MYO18B: variants seen among roughly 807,000 people sequenced by gnomAD.
The protein encoded by MYO18B is myosin XVIIIB, also known as unconventional myosin-XVIIIb.
MYO18B carries 204 observed loss-of-function variants against 273.0 expected under a neutral mutation model. The ratio of observed to expected loss-of-function variants is 0.75; its 90% CI spans 0.67 to 0.84. The LOEUF is 0.84. Ranked by LOEUF, MYO18B falls within the 40% of genes least tolerant of loss-of-function variation. The probability of loss-of-function intolerance (pLI) is 0.00; values close to 1 mark genes in which losing one functional copy is unlikely to be tolerated. For synonymous variants in MYO18B, 1,330 were observed against 1,305.7 expected, an observed-to-expected ratio of 1.02 and a Z score of -0.40; for missense variants, 3,212 against 3,287.6, an observed-to-expected ratio of 0.98 and a Z score of 0.56.
rs147064352 is a variant in MYO18B, at chr22:25,849,035, G to A, written c.3775+1383G>A. Among the ~76,000 whole-genome samples the A allele has an allele frequency of 3.8e-3, 572 of 152,352 alleles. 2 individuals are homozygous for A. The highest frequency in any genetic ancestry group is 0.012 in the African/African-American group (514 of 41,574). On this transcript the variant is annotated intron_variant, in intron 20 of 43. Transcript: ENST00000335473. ...GATTTTCCCTCCCACCCGCACAGCCGCAGAGGAGGGAGACAGATAATGTCA... is the reference window on the plus strand; with the variant it reads ...GATTTTCCCTCCCACCCGCACAGCCACAGAGGAGGGAGACAGATAATGTCA...
At chr22:26,008,673 G>A (rs1444418828) in intron 42 of MYO18B, among the ~76,000 whole-genome samples, 3 of 152,216 alleles carry the variant, frequency 2.0e-5, no homozygotes, top group Non-Finnish European at 2.9e-5. Context: ...GCCACAGAGA[G>A]GGAGTTTATG....
chr22:25,784,848 G>GT (rs1187325554), intron 10 of MYO18B, among the ~76,000 whole-genome samples: 1 of 152,232 alleles, frequency 6.6e-6, no homozygotes, highest in Non-Finnish European at 1.5e-5. Context: ...TAAACATTGT[G>GT]TTGCTTCATA....
chr22:26,019,998 A>G (rs1192007740), intron 42 of MYO18B, among the ~76,000 whole-genome samples: 2 of 152,196 alleles, frequency 1.3e-5, no homozygotes, highest in Admixed American at 6.5e-5. Flanking sequence ...GTTTCCCGTC[A>G]GCCTTCTGCC....
chr22:25,954,884 G>T (rs1286887176), intron 38 of MYO18B, among the ~76,000 whole-genome samples: 1 of 151,976 alleles, frequency 6.6e-6, no homozygotes, highest in African/African-American at 2.4e-5. Context: ...GCTAATTTTT[G>T]TATTTCTTAG....
chr22:26,017,339 T>C (rs540094940), intron 42 of MYO18B, among the ~76,000 whole-genome samples: 109 of 143,656 alleles, frequency 7.6e-4, no homozygotes, highest in African/African-American at 2.7e-3. Flanking sequence ...ACATTTTCCT[T>C]CTTCCTTCCT....
chr22:25,954,869 G>T (rs148457371), intron 38 of MYO18B, among the ~76,000 whole-genome samples: 304 of 152,032 alleles, frequency 2.0e-3, no homozygotes, highest in African/African-American at 6.6e-3. Flanking sequence ...GCGCCACCAC[G>T]CCCGGCTAAT....
At chr22:25,916,760 A>G (rs1023424023) in intron 33 of MYO18B, among the ~76,000 whole-genome samples, 1 of 152,228 alleles carries the variant, frequency 6.6e-6, no homozygotes, top group Admixed American at 6.5e-5. Flanking sequence ...GGCTGGGCAC[A>G]GTGGCTCACG....
At chr22:25,829,673 A>G (rs1018044662) in intron 15 of MYO18B, among the ~76,000 whole-genome samples, 7 of 151,964 alleles carry the variant, frequency 4.6e-5, no homozygotes, top group African/African-American at 1.7e-4. Flanking sequence ...CCCCATCTCT[A>G]CTAAAAATAC....
chr22:25,879,815 A>G (rs1449642496), intron 25 of MYO18B, among the ~76,000 whole-genome samples: 1 of 152,200 alleles, frequency 6.6e-6, no homozygotes, highest in Admixed American at 6.5e-5. Flanking sequence ...GGAAACTTAC[A>G]TCATGGTGGA....
chr22:25,931,183 A>G (rs1463162178), intron 34 of MYO18B, among the ~76,000 whole-genome samples: 4 of 152,340 alleles, frequency 2.6e-5, no homozygotes, highest in African/African-American at 9.6e-5. Flanking sequence ...ATGTTAACAT[A>G]ACCTCCTGTC....
intron 3 of MYO18B, among the ~76,000 whole-genome samples, chr22:25,766,949 G>A (rs925987517): frequency 6.6e-6 from 1 of 152,246 alleles, no homozygotes; most frequent in Admixed American, 6.5e-5. Context: ...TGGAAAAAGA[G>A]ACATAGATGT....
intron 34 of MYO18B, among the ~76,000 whole-genome samples, chr22:25,928,974 C>G (rs2092459888): frequency 6.6e-6 from 1 of 151,986 alleles, no homozygotes; most frequent in Non-Finnish European, 1.5e-5. Context: ...CCAGCCTGAC[C>G]AAAATGGAGA....
intron 16 of MYO18B, 124 bp from the exon 17 acceptor site, chr22:25,835,172 G>A (rs1211476521): frequency 1.7e-6 from 2 of 1,192,934 alleles, no homozygotes; most frequent in Non-Finnish European, 2.3e-6. Context: ...TTTTGGGTAG[G>A]CACGTTCTGA....
chr22:25,882,777 G>A (rs1378807698), intron 25 of MYO18B, among the ~76,000 whole-genome samples: 1 of 152,128 alleles, frequency 6.6e-6, no homozygotes, highest in Non-Finnish European at 1.5e-5. Context: ...GCGTACAATG[G>A]CAGTTTTTTT....
chr22:26,017,241 C>A (rs999328262), intron 42 of MYO18B, among the ~76,000 whole-genome samples: 4 of 151,610 alleles, frequency 2.6e-5, no homozygotes, highest in African/African-American at 9.7e-5. Flanking sequence ...ACACTATCAA[C>A]TCGTAGCTTC....
chr22:25,994,332 C>T (rs983054912), intron 40 of MYO18B, among the ~76,000 whole-genome samples: 4 of 152,180 alleles, frequency 2.6e-5, no homozygotes, highest in African/African-American at 9.6e-5. Context: ...ATTAGCCAGA[C>T]ATGGTGGCCT....
intron 17 of MYO18B, among the ~76,000 whole-genome samples, chr22:25,839,097 T>C (rs908027080): frequency 1.3e-5 from 2 of 148,208 alleles, no homozygotes; most frequent in African/African-American, 4.9e-5. Flanking sequence ...TGTGTATACG[T>C]GTGTGCGTGT....
intron 42 of MYO18B, among the ~76,000 whole-genome samples, chr22:26,006,186 G>A (rs942036366): frequency 2.6e-5 from 4 of 152,114 alleles, no homozygotes; most frequent in African/African-American, 7.2e-5. Context: ...TATTAGGGTG[G>A]ATAATAAGGA....
chr22:25,876,101 C>T, intron 23 of MYO18B, 88 bp from the exon 24 acceptor site: 1 of 1,384,478 alleles, frequency 7.2e-7, no homozygotes. Context: ...CTTCCTCCAG[C>T]CCCTTTGCTA....
Sources: gnomAD v4.1 joint callset for allele counts (sites outside exome capture counted in the v4.1 genomes callset) on GRCh38, gnomAD v4.1.1 for gene constraint, MANE v1.5 for transcripts, NCBI Gene and HGNC (gene_info 2026-07-23, HGNC 2026-07-21) for gene names.